SHB: variants seen among roughly 807,000 people sequenced by gnomAD.
SHB encodes the protein SH2 domain-containing adapter protein B.
In SHB, 20 loss-of-function variants were observed where a neutral mutation model predicts 52.3. That is an observed-to-expected ratio of 0.38 (90% CI 0.27 to 0.56). SHB has a LOEUF of 0.56. Ranked by LOEUF, SHB falls within the 20% of genes least tolerant of loss-of-function variation. The probability of loss-of-function intolerance (pLI) is 0.71; values close to 1 mark genes in which losing one functional copy is unlikely to be tolerated. For synonymous variants in SHB, 397 were observed against 316.5 expected, an observed-to-expected ratio of 1.25 and a Z score of -2.70; for missense variants, 825 against 723.3, an observed-to-expected ratio of 1.14 and a Z score of -1.61.
rs116353164 is a variant in SHB at position 38,044,978 on chromosome 9, G to A, written c.717+22951C>T. On this transcript the variant is annotated intron_variant, in intron 1 of 5. Coordinates refer to ENST00000377707, the MANE Select transcript of SHB (RefSeq NM_003028.3). ...TCCCAAATGGCAGGACAGCTGAGCT[G>A]AACTTAAGAGGATGAGGAGGATAAA... Among the ~76,000 whole-genome samples the A allele has an allele frequency of 7.6e-3, 1,165 of 152,330 alleles. 17 individuals carry two copies. The highest frequency in any genetic ancestry group is 0.027 in the African/African-American group (1,134 of 41,566).
intron 3 of SHB, among the ~76,000 whole-genome samples, chr9:37,957,157 C>T (rs1832645281): frequency 6.6e-6 from 1 of 152,204 alleles, no homozygotes; most frequent in Admixed American, 6.5e-5. Context: ...AGGCCAGAGC[C>T]TGCAGAGGAA....
chr9:37,948,080 G>A (rs907001815), intron 5 of SHB, among the ~76,000 whole-genome samples: 8 of 152,196 alleles, frequency 5.3e-5, no homozygotes, highest in Non-Finnish European at 1.2e-4. Context: ...AGCTGCGATA[G>A]GCAGTAACAC....
chr9:38,019,983 G>A (rs1057368138), intron 1 of SHB, among the ~76,000 whole-genome samples: 5 of 152,176 alleles, frequency 3.3e-5, no homozygotes, highest in African/African-American at 1.2e-4. Context: ...GCTGTAGAAT[G>A]ATAACTACAA....
chr9:37,974,984 C>T, intron 2 of SHB, 147 bp from the exon 3 acceptor site: 2 of 701,140 alleles, frequency 2.9e-6, no homozygotes, highest in Non-Finnish European at 2.5e-6. Context: ...TTTTACCCAC[C>T]CCACCAACCC....
chr9:37,994,280 A>T (rs150967820), intron 2 of SHB, among the ~76,000 whole-genome samples: 106 of 152,342 alleles, frequency 7.0e-4, no homozygotes, highest in African/African-American at 2.4e-3. Context: ...TCAAAAGTCA[A>T]ATAAGTCAGT....
intron 4 of SHB, among the ~76,000 whole-genome samples, chr9:37,954,389 C>G (rs184010108): frequency 3.3e-5 from 5 of 152,128 alleles, no homozygotes; most frequent in Admixed American, 3.3e-4. Context: ...GGAAGGCTCA[C>G]GAACCATGTG....
intron 1 of SHB, among the ~76,000 whole-genome samples, chr9:38,045,914 G>C (rs942394238): frequency 6.6e-6 from 1 of 152,110 alleles, no homozygotes; most frequent in Non-Finnish European, 1.5e-5. Flanking sequence ...GAGATTACAA[G>C]TTAACATGGG....
intron 5 of SHB, among the ~76,000 whole-genome samples, chr9:37,948,044 G>C (rs912661262): frequency 2.6e-5 from 4 of 152,216 alleles, no homozygotes; most frequent in African/African-American, 9.7e-5. Flanking sequence ...ATGCCTCACA[G>C]GTCAGAAAGA....
At chr9:37,988,746 T>C (rs1054554035) in intron 2 of SHB, among the ~76,000 whole-genome samples, 2 of 152,242 alleles carry the variant, frequency 1.3e-5, no homozygotes, top group Non-Finnish European at 2.9e-5. Context: ...GTACACTGAA[T>C]AGTGCAGATT....
At chr9:38,060,008 G>A (rs1038874216) in intron 1 of SHB, among the ~76,000 whole-genome samples, 20 of 152,142 alleles carry the variant, frequency 1.3e-4, no homozygotes, top group Admixed American at 5.2e-4. Context: ...CAACAGAGGG[G>A]ACATTTTACA....
chr9:37,939,162 C>T (rs1436087102), intron 5 of SHB, among the ~76,000 whole-genome samples: 2 of 152,328 alleles, frequency 1.3e-5, no homozygotes, highest in East Asian at 1.9e-4. Flanking sequence ...GTATGTAGGC[C>T]GCCTGCCACT....
chr9:38,016,293 G>C (rs1821210805), intron 1 of SHB, among the ~76,000 whole-genome samples, 162 bp from the exon 2 acceptor site: 2 of 152,226 alleles, frequency 1.3e-5, no homozygotes, highest in South Asian at 4.1e-4. Context: ...TCTCACAGGG[G>C]TAACGAATGG....
chr9:38,007,707 A>G (rs956455588), intron 2 of SHB, among the ~76,000 whole-genome samples: 4 of 152,246 alleles, frequency 2.6e-5, no homozygotes, highest in Non-Finnish European at 5.9e-5. Context: ...TCTAACAGGG[A>G]ACAAAACCTA....
chr9:37,919,883 G>A lies in SHB; in HGVS notation c.1468C>T (p.Leu490=). Residue 490 remains leucine, a synonymous_variant, in exon 6 of 6, where the codon CTA becomes TTA. Transcript: ENST00000377707. ...AAGTGCTCAGCCCCTTTGATGGGTA[G>A]CTTTCTGGTGGTGTAGTAGTGGATG... is the stretch of plus-strand genomic sequence containing the variant. ...EVIHYYTTRK[L]PIKGAEHLSL... is the part of the protein sequence containing the mutation. The A allele has an allele frequency of 6.2e-7, 1 of 1,614,144 alleles. No individual in the cohort carries two copies. The highest frequency in any genetic ancestry group is 1.3e-5 in the African/African-American group (1 of 75,044).
chr9:37,930,080 C>T (rs938655763), intron 5 of SHB, among the ~76,000 whole-genome samples: 2 of 152,096 alleles, frequency 1.3e-5, no homozygotes, highest in African/African-American at 4.8e-5. Flanking sequence ...CCAGCCTGGG[C>T]GACAGAGTGA....
At chr9:37,937,583 G>A (rs898359978) in intron 5 of SHB, among the ~76,000 whole-genome samples, 5 of 152,200 alleles carry the variant, frequency 3.3e-5, no homozygotes, top group African/African-American at 7.2e-5. Flanking sequence ...ATAGACCCGC[G>A]GATGGAACAG....
chr9:38,010,175 T>C (rs1821121514), intron 2 of SHB, among the ~76,000 whole-genome samples: 1 of 152,192 alleles, frequency 6.6e-6, no homozygotes, highest in Non-Finnish European at 1.5e-5. Flanking sequence ...CTCAGTATTC[T>C]CCTCTGTAAA....
At chr9:37,946,396 A>G (rs763076457) in intron 5 of SHB, among the ~76,000 whole-genome samples, 33 of 152,222 alleles carry the variant, frequency 2.2e-4, no homozygotes, top group Non-Finnish European at 3.7e-4. Flanking sequence ...CTGAGGGTAC[A>G]ATGCACAGGG....
chr9:37,940,946 T>A (rs1832427923), intron 5 of SHB, among the ~76,000 whole-genome samples: 1 of 152,188 alleles, frequency 6.6e-6, no homozygotes, highest in African/African-American at 2.4e-5. Context: ...CAGCTCCTGA[T>A]GAGCAACTAG....
Sources: allele counts gnomAD v4.1 joint callset (sites outside exome capture counted in the v4.1 genomes callset), GRCh38; gene constraint gnomAD v4.1.1; transcripts MANE v1.5; gene names NCBI Gene and HGNC (gene_info 2026-07-23, HGNC 2026-07-21).